The following ANKFY1 variants were observed in gnomAD, a reference collection of about 807,000 sequenced individuals.
ANKFY1 encodes ankyrin repeat and FYVE domain-containing protein 1.
In ANKFY1, 47 loss-of-function variants were observed where a neutral mutation model predicts 128.3. The observed-to-expected ratio is 0.37, with a 90% CI of 0.29 to 0.47. ANKFY1 has a LOEUF of 0.47. ANKFY1 is among the 20% of genes least tolerant of loss of function. The probability of loss-of-function intolerance (pLI) is 1.00; values close to 1 mark genes in which losing one functional copy is unlikely to be tolerated. For synonymous variants in ANKFY1, 553 were observed against 601.6 expected (o/e 0.92, Z 1.18); for missense variants, 1,222 against 1,510.6 (o/e 0.81, Z 3.17).
rs921662710 is a variant in ANKFY1 at position 4,224,323 on chromosome 17, C to T, written c.323-7205G>A. 5.3e-5 allele frequency among the ~76,000 whole-genome samples: 8 copies of T among 150,062 alleles called. No homozygotes were observed. In the East Asian group the frequency reaches 7.9e-4, roughly 15 times the overall value. ...CTGCAGGCTCTGCCCCCGGGGTTCA[C>T]GCCATTCTCCCGCCTCAGCCTCCTG... is the stretch of plus-strand genomic sequence containing the variant. On this transcript the variant is annotated intron_variant, in intron 3 of 24. Transcript: ENST00000341657.
intron 1 of ANKFY1, among the ~76,000 whole-genome samples, chr17:4,253,362 C>T (rs1009624343): frequency 3.9e-5 from 6 of 152,208 alleles, no homozygotes; most frequent in Non-Finnish European, 5.9e-5. Flanking sequence ...AATCTTCTAG[C>T]ATGATTGTGC....
At chr17:4,223,198 C>T (rs984060858) in intron 3 of ANKFY1, 3 of 790,848 alleles carry the variant, frequency 3.8e-6, no homozygotes, top group Admixed American at 1.9e-5. Flanking sequence ...GTCTTCATCA[C>T]AGAAATCTTC....
intron 22 of ANKFY1, 124 bp downstream of exon 22, chr17:4,172,432 A>C: frequency 2.2e-6 from 3 of 1,333,886 alleles, no homozygotes; most frequent in Non-Finnish European, 2.0e-6. Context: ...TCACACCCGG[A>C]GGGCCCAACA....
chr17:4,253,089 C>A (rs1474837114), intron 1 of ANKFY1, among the ~76,000 whole-genome samples: 1 of 152,098 alleles, frequency 6.6e-6, no homozygotes, highest in Non-Finnish European at 1.5e-5. Context: ...ACCAGGGTGG[C>A]ACACACTTGT....
chr17:4,169,281 C>T lies in ANKFY1; in HGVS notation c.3294G>A (p.Leu1098=), dbSNP rs901188412. 1.2e-5 allele frequency: 19 copies of T among 1,549,568 alleles called. No homozygotes were observed. The highest frequency in any genetic ancestry group is 1.7e-5 in the Non-Finnish European group (19 of 1,146,364). ...CGTCACACCACGGAGGCTCCTTGGA[C>T]AGCATATCTGCAACACAGGGGGGAG... ...KQLLFRLLDM[L]SKEPPWCDGS... Residue 1098 remains leucine, a synonymous_variant, in exon 24 of 25, where the codon CTG becomes CTA. Coordinates refer to ENST00000341657, the MANE Select transcript of ANKFY1 (RefSeq NM_001330063.2). This position sits in a 1 kb window ranked among gnomAD's most constrained non-coding sequence, Gnocchi z 5.0.
At position 4,242,300 on chromosome 17, in the gene ANKFY1, A is replaced by C; in HGVS notation, c.159T>G (p.Arg53=). ...KESSSESFIS[R]LLAIVADLYE... ...AGAGGTCTGCCACGATGGCCAGCAG[A>C]CGGCTGATGAAGGACTCGCTGCTGC... The change falls in exon 2 of 25, where the codon CGT becomes CGG. Residue 53 remains arginine (R), a synonymous_variant. Coordinates refer to ENST00000341657, the MANE Select transcript of ANKFY1 (RefSeq NM_001330063.2). The C allele has an allele frequency of 6.3e-7, 1 of 1,592,360 alleles. No homozygotes were observed. The highest frequency in any genetic ancestry group is 8.5e-7 in the Non-Finnish European group (1 of 1,172,350).
rs762152406 is a variant in ANKFY1, at chr17:4,173,418, G to A, written c.2950C>T (p.Arg984Trp). 28 of 1,614,014 alleles carry A rather than the reference G, an allele frequency of 1.7e-5. No individual in the cohort carries two copies. The highest frequency in any genetic ancestry group is 5.3e-5 in the African/African-American group (4 of 74,920). The change falls in exon 21 of 25, where the codon CGG (arginine) becomes TGG (tryptophan). Residue 984 changes from arginine to tryptophan, a missense_variant. Coordinates refer to ENST00000341657, the MANE Select transcript of ANKFY1 (RefSeq NM_001330063.2). ...AGGAGAACCCGGATGTTGTTGAGCCGGCCGTGCATGACAGCAAGATGAAGA... is the reference window on the plus strand; with the variant it reads ...AGGAGAACCCGGATGTTGTTGAGCCAGCCGTGCATGACAGCAAGATGAAGA... Reference protein sequence around the residue: ...NALHLAVMHGRLNNIRVLLTE... With the variant: ...NALHLAVMHGWLNNIRVLLTE...
In ANKFY1 at chr17:4,178,863, A is replaced by T. The variant is rs1292965282; in HGVS notation, c.2592T>A (p.Ala864=). The T allele has an allele frequency of 7.4e-6, 12 of 1,614,104 alleles. No individual in the cohort carries two copies. Among genetic ancestry groups the T allele is most frequent in the Non-Finnish European group, 1.0e-5 (12 of 1,180,044 alleles). Residue 864 remains alanine, a synonymous_variant, in exon 18 of 25, where the codon GCT becomes GCA. Coordinates refer to ENST00000341657, the MANE Select transcript of ANKFY1 (RefSeq NM_001330063.2). This position sits in a 1 kb window ranked among gnomAD's most constrained non-coding sequence, Gnocchi z 4.1. ...EAILKRESGA[A]EQVDNKGRNF... ...TCAGGTGTTATTCACTCACCTGCTC[A>T]GCAGCCCCGGACTCTCGTTTGAGAA...
chr17:4,173,833 G>A, intron 20 of ANKFY1, 76 bp downstream of exon 20: 1 of 1,543,392 alleles, frequency 6.5e-7, no homozygotes, highest in Non-Finnish European at 8.8e-7. Flanking sequence ...GTGGGGAGCA[G>A]ACCCAAGGGT....
At chr17:4,248,739 G>A (rs1375507819) in intron 1 of ANKFY1, among the ~76,000 whole-genome samples, 1 of 152,170 alleles carries the variant, frequency 6.6e-6, no homozygotes, top group African/African-American at 2.4e-5. Flanking sequence ...ATTCCAGCCT[G>A]GGTGACAGAG....
chr17:4,240,694 A>G lies in ANKFY1; in HGVS notation c.203+1562T>C, dbSNP rs1967165075. Among the ~76,000 whole-genome samples, 3 of 152,190 alleles carry G rather than the reference A, an allele frequency of 2.0e-5. No homozygotes were observed. The South Asian group carries it at 6.2e-4, about 32-fold the overall frequency. ...GGCATGCGCCACTGCGCCCAGGCAC[A>G]TGTTAATCTTCTTAAAACGCCACCC... is the stretch of plus-strand genomic sequence containing the variant. On this transcript the variant is annotated intron_variant, in intron 2 of 24. Transcript: ENST00000341657.
chr17:4,256,296 C>T (rs1321111486), intron 1 of ANKFY1, among the ~76,000 whole-genome samples: 7 of 151,788 alleles, frequency 4.6e-5, no homozygotes, highest in Admixed American at 2.0e-4. Flanking sequence ...GGCGCAGTGG[C>T]GGGCGCCTGT....
Position 4,178,782 on chromosome 17 carries a change from C to T in ANKFY1, c.2598+75G>A, listed in dbSNP as rs756294968. On this transcript the variant is annotated intron_variant, in intron 18 of 24. Transcript: ENST00000341657. The surrounding 1 kb of genome is among the most constrained non-coding windows in gnomAD (Gnocchi z 4.1). ...CTTTCCATGAGGAGACCTGTTTAGT[C>T]GGTGACATCTGTCTAGTCTCCAGGT... 7.1e-6 allele frequency: 10 copies of T among 1,405,248 alleles called. No individual in the cohort carries two copies. The South Asian group carries it at 7.1e-5, about 10-fold the overall frequency. The allele number at this position is 1,405,248 out of a possible 1,614,324, so 87.0% of individuals were successfully genotyped here. A position where few individuals can be genotyped will look rare whatever the true frequency, so the allele number is the denominator to read the frequency against.
intron 1 of ANKFY1, among the ~76,000 whole-genome samples, chr17:4,246,509 T>C (rs1967550190): frequency 6.6e-6 from 1 of 152,236 alleles, no homozygotes; most frequent in Non-Finnish European, 1.5e-5. Context: ...AAAGGATGGC[T>C]ATAGTATATA....
At chr17:4,193,956 C>A (rs1259952451) in intron 10 of ANKFY1, among the ~76,000 whole-genome samples, 1 of 151,108 alleles carries the variant, frequency 6.6e-6, no homozygotes, top group African/African-American at 2.4e-5. Context: ...CAGGCTTTCA[C>A]CATGTTGGCC....
chr17:4,182,269 C>T lies in ANKFY1; in HGVS notation c.2033G>A (p.Gly678Glu). The part of the protein sequence containing the change: ...PLVVDAICTR[G>E]ADMSVPDEKG... ...CTCATCTGGCACAGACATGTCAGCT[C>T]CTCGGGTGCATATGGCATCAACTAC... Residue 678 changes from glycine to glutamate, a missense_variant, in exon 15 of 25, where the codon GGA becomes GAA. By Grantham distance (98) the Gly-to-Glu change is moderately conservative. Transcript: ENST00000341657. The T allele has an allele frequency of 1.3e-6, 2 of 1,596,492 alleles. No individual in the cohort carries two copies. The highest frequency in any genetic ancestry group is 1.7e-6 in the Non-Finnish European group (2 of 1,170,966).
At chr17:4,207,179 T>C (rs1463540359) in intron 6 of ANKFY1, among the ~76,000 whole-genome samples, 16 of 149,010 alleles carry the variant, frequency 1.1e-4, no homozygotes, top group Admixed American at 4.6e-4. Flanking sequence ...GAGGGCCCGA[T>C]CTATCTAACC....
At chr17:4,258,861 T>C (rs1381763812) in intron 1 of ANKFY1, among the ~76,000 whole-genome samples, 4 of 152,252 alleles carry the variant, frequency 2.6e-5, no homozygotes, top group African/African-American at 9.6e-5. Flanking sequence ...TTGTCAAAAG[T>C]ATTTTTCTGA....
At chr17:4,172,834 G>A (rs2059345660) in intron 21 of ANKFY1, among the ~76,000 whole-genome samples, 154 bp from the exon 22 acceptor site, 1 of 152,234 alleles carries the variant, frequency 6.6e-6, no homozygotes. Context: ...GTATTTTACT[G>A]TAACCTAAGT....
Sources: gnomAD v4.1 joint callset for allele counts (sites outside exome capture counted in the v4.1 genomes callset) on GRCh38, gnomAD v4.1.1 for gene constraint, Gnocchi (gnomAD v3.1) non-coding constraint, MANE v1.5 for transcripts, NCBI Gene and HGNC (gene_info 2026-07-23, HGNC 2026-07-21) for gene names.